Variants in SUGCT observed in about 807,000 individuals in gnomAD.
SUGCT encodes succinyl-CoA:glutarate CoA-transferase.
Under a neutral mutation model 55.0 loss-of-function variants are expected in SUGCT, and 41 were observed. The observed-to-expected ratio is 0.74, with a 90% CI of 0.58 to 0.97. The LOEUF is 0.97. SUGCT is among the 50% of genes least tolerant of loss of function. SUGCT has a pLI of 0.00. For missense variants in SUGCT, 568 were observed against 547.8 expected, an observed-to-expected ratio of 1.04 and a Z score of -0.37; for synonymous variants, 187 against 200.4, an observed-to-expected ratio of 0.93 and a Z score of 0.56.
intron 9 of SUGCT, among the ~76,000 whole-genome samples, chr7:40,409,780 C>A (rs1361715094): frequency 6.6e-6 from 1 of 151,608 alleles, no homozygotes; most frequent in Admixed American, 6.6e-5. Context: ...CAGCTCACTG[C>A]AACTTTTGGA....
chr7:40,912,560 G>A, the SUGCT span, among the ~76,000 whole-genome samples: 1 of 152,028 alleles, frequency 6.6e-6, no homozygotes, highest in Admixed American at 6.5e-5. Flanking sequence ...CATTTACAAG[G>A]CAAGTCATGA....
intron 1 of SUGCT, among the ~76,000 whole-genome samples, chr7:40,154,680 T>C (rs972365851): frequency 6.6e-6 from 1 of 152,144 alleles, no homozygotes; most frequent in Non-Finnish European, 1.5e-5. Context: ...GGAAAGCTAC[T>C]CTGGCCTAAA....
the SUGCT span, among the ~76,000 whole-genome samples, chr7:40,898,078 C>T: frequency 2.6e-5 from 4 of 152,250 alleles, no homozygotes; most frequent in East Asian, 1.9e-4. Flanking sequence ...TCCACGCTGT[C>T]TTTATGAGCT....
intron 9 of SUGCT, among the ~76,000 whole-genome samples, chr7:40,406,368 T>G (rs998586580): frequency 6.6e-6 from 1 of 152,194 alleles, no homozygotes; most frequent in Admixed American, 6.5e-5. Context: ...TCTAATGTTG[T>G]GGCTGATTTA....
intron 13 of SUGCT, among the ~76,000 whole-genome samples, chr7:40,834,877 T>C (rs572669187): frequency 1.3e-5 from 2 of 152,310 alleles, no homozygotes; most frequent in Non-Finnish European, 2.9e-5. Flanking sequence ...CAGGATAGTA[T>C]TCGGGGTCTT....
chr7:40,854,402 T>TC (rs1250178693), intron 13 of SUGCT, among the ~76,000 whole-genome samples: 1 of 107,756 alleles, frequency 9.3e-6, no homozygotes, highest in Non-Finnish European at 1.9e-5. Flanking sequence ...TTTTTTTCTT[T>TC]CTTTCTTTCT....
At chr7:40,562,799 G>A (rs1021384757) in intron 12 of SUGCT, among the ~76,000 whole-genome samples, 55 of 152,168 alleles carry the variant, frequency 3.6e-4, no homozygotes, top group African/African-American at 1.3e-3. Context: ...TCCAAGGTTT[G>A]TGCTATGCAA....
chr7:40,880,069 A>G, the SUGCT span, among the ~76,000 whole-genome samples: 1 of 152,198 alleles, frequency 6.6e-6, no homozygotes, highest in African/African-American at 2.4e-5. Flanking sequence ...GGGAGTGAAT[A>G]ATTGGCCAGT....
At chr7:40,550,560 A>G (rs1176811190) in intron 12 of SUGCT, among the ~76,000 whole-genome samples, 3 of 152,230 alleles carry the variant, frequency 2.0e-5, no homozygotes, top group African/African-American at 4.8e-5. Flanking sequence ...TTATACATAC[A>G]ATATCCTTTC....
At chr7:40,998,304 G>C in the SUGCT span, among the ~76,000 whole-genome samples, 2 of 152,030 alleles carry the variant, frequency 1.3e-5, no homozygotes, top group Non-Finnish European at 2.9e-5. Flanking sequence ...CCTGGGAGGT[G>C]GAGGTTGCAG....
At chr7:40,990,791 T>G in the SUGCT span, among the ~76,000 whole-genome samples, 1 of 152,222 alleles carries the variant, frequency 6.6e-6, no homozygotes, top group Non-Finnish European at 1.5e-5. Flanking sequence ...TGAGAGAGCT[T>G]CTTTTCTCAA....
chr7:40,954,956 G>A, the SUGCT span, among the ~76,000 whole-genome samples: 1 of 152,130 alleles, frequency 6.6e-6, no homozygotes, highest in Non-Finnish European at 1.5e-5. Flanking sequence ...GTAGATGTGT[G>A]ACATTATTTT....
the SUGCT span, among the ~76,000 whole-genome samples, chr7:40,975,879 A>T: frequency 6.6e-6 from 1 of 152,198 alleles, no homozygotes; most frequent in East Asian, 1.9e-4. Flanking sequence ...GCCAAACAAG[A>T]CTTGGAAGTA....
intron 13 of SUGCT, among the ~76,000 whole-genome samples, chr7:40,781,522 A>G (rs752694867): frequency 6.6e-6 from 1 of 152,022 alleles, no homozygotes. Context: ...TGTATATTAG[A>G]TATATTTTTA....
At chr7:40,426,490 G>A (rs546752484) in intron 9 of SUGCT, among the ~76,000 whole-genome samples, 31 of 152,282 alleles carry the variant, frequency 2.0e-4, no homozygotes, top group Non-Finnish European at 3.8e-4. Flanking sequence ...CTTCCAGGAA[G>A]AGAAGCTACA....
intron 10 of SUGCT, among the ~76,000 whole-genome samples, chr7:40,458,273 A>G (rs904538242): frequency 3.9e-5 from 6 of 152,222 alleles, no homozygotes; most frequent in Non-Finnish European, 5.9e-5. Flanking sequence ...TGACTTTCCA[A>G]TACAACTGCC....
intron 9 of SUGCT, among the ~76,000 whole-genome samples, chr7:40,439,704 G>A (rs1268661090): frequency 6.6e-6 from 1 of 152,144 alleles, no homozygotes; most frequent in Non-Finnish European, 1.5e-5. Context: ...GAAGGTAGAA[G>A]CATCCAGTGG....
At chr7:40,469,176 A>C (rs939347946) in intron 11 of SUGCT, among the ~76,000 whole-genome samples, 1 of 152,252 alleles carries the variant, frequency 6.6e-6, no homozygotes, top group Admixed American at 6.5e-5. Context: ...TCTTCTGCCA[A>C]CTTTTTTTTC....
intron 11 of SUGCT, among the ~76,000 whole-genome samples, chr7:40,469,605 C>G (rs1790300294): frequency 6.6e-6 from 1 of 152,200 alleles, no homozygotes; most frequent in Admixed American, 6.5e-5. Context: ...CAACTCCAGG[C>G]AATCTCCTCG....
Sources: allele counts gnomAD v4.1 joint callset (sites outside exome capture counted in the v4.1 genomes callset), GRCh38; gene constraint gnomAD v4.1.1; transcripts MANE v1.5; gene names NCBI Gene and HGNC (gene_info 2026-07-23, HGNC 2026-07-21).